ATR: variants seen among roughly 807,000 people sequenced by gnomAD.
ATR encodes serine/threonine-protein kinase ATR.
Under a neutral mutation model 305.3 loss-of-function variants are expected in ATR, and 142 were observed. The observed-to-expected ratio is 0.47, with a 90% CI of 0.41 to 0.53. The LOEUF (loss-of-function observed/expected upper bound fraction) is 0.53, where lower values mean the gene tolerates loss of function less well. ATR is among the 20% of genes least tolerant of loss of function. The pLI, the probability that ATR is intolerant of heterozygous loss-of-function variation, is 0.00. For synonymous variants in ATR, 1,050 were observed against 1,068.1 expected, an observed-to-expected ratio of 0.98 and a Z score of 0.33; for missense variants, 2,135 against 3,133.1, an observed-to-expected ratio of 0.68 and a Z score of 7.60.
intron 46 of ATR, 176 bp from the exon 47 acceptor site, chr3:142,449,778 A>T (rs1440680242): frequency 5.9e-6 from 4 of 673,980 alleles, no homozygotes; most frequent in Non-Finnish European, 1.0e-5. Context: ...TGTGATACTG[A>T]TTTGGAGGCT....
chr3:142,554,128 T>C, intron 10 of ATR, 113 bp from the exon 11 acceptor site: 1 of 894,856 alleles, frequency 1.1e-6, no homozygotes, highest in South Asian at 1.9e-5. Context: ...TCTCTTATAA[T>C]GTCAATGTTT....
chr3:142,476,702 G>C (rs571972842), intron 36 of ATR, among the ~76,000 whole-genome samples: 2 of 152,068 alleles, frequency 1.3e-5, no homozygotes, highest in Non-Finnish European at 2.9e-5. Flanking sequence ...CCATTTTCAC[G>C]ATATTGATTC....
chr3:142,554,104 G>T, intron 10 of ATR, 89 bp from the exon 11 acceptor site: 1 of 1,126,576 alleles, frequency 8.9e-7, no homozygotes, highest in South Asian at 1.6e-5. Context: ...AATATGCCAT[G>T]AAGAATCCTA....
At chr3:142,551,069 G>T (rs2034454211) in intron 13 of ATR, among the ~76,000 whole-genome samples, 1 of 152,164 alleles carries the variant, frequency 6.6e-6, no homozygotes, top group Non-Finnish European at 1.5e-5. Flanking sequence ...TTACAGGTGT[G>T]AGTCACCACG....
intron 27 of ATR, among the ~76,000 whole-genome samples, chr3:142,509,310 TG>T (rs1176571692): frequency 1.3e-5 from 2 of 151,968 alleles, no homozygotes; most frequent in Non-Finnish European, 2.9e-5. Context: ...ACCATAGGCA[TG>T]TGCCACCACG....
rs183377762 is a variant in ATR at position 142,461,490 on chromosome 3, A to G, written c.7192+450T>C. On this transcript the variant is annotated intron_variant, in intron 42 of 46. Coordinates refer to ENST00000350721, the MANE Select transcript of ATR (RefSeq NM_001184.4). The stretch of plus-strand genomic sequence containing the variant: ...AATCATTATTTATTTTGCTACTCAA[A>G]TTATCCCAGGTTTGGACAGTTGGAG... Among the ~76,000 whole-genome samples, 21 of 152,248 alleles carry G rather than the reference A, an allele frequency of 1.4e-4. No individual in the cohort carries two copies. The East Asian group carries it at 4.1e-3, about 29-fold the overall frequency.
At chr3:142,516,420 T>A (rs774111960) in intron 24 of ATR, among the ~76,000 whole-genome samples, 1 of 152,236 alleles carries the variant, frequency 6.6e-6, no homozygotes, top group African/African-American at 2.4e-5. Flanking sequence ...TTAGTACTAC[T>A]ATGTATTCTT....
intron 3 of ATR, among the ~76,000 whole-genome samples, chr3:142,563,611 C>G (rs1317733862): frequency 6.6e-6 from 1 of 152,112 alleles, no homozygotes; most frequent in African/African-American, 2.4e-5. Context: ...CTTGTGTCTC[C>G]CTATTCCCTG....
rs1393735489 is a variant in ATR at position 142,515,384 on chromosome 3, G to C, written c.4503+11C>G. On this transcript the variant is annotated intron_variant, in intron 25 of 46. Coordinates refer to ENST00000350721, the MANE Select transcript of ATR (RefSeq NM_001184.4). ...TTCCATTCAGTTAACAAACTGAACA[G>C]GGTTTCTTACCTTTGTAATAAGATA... 1 of 1,613,740 alleles carries C rather than the reference G, an allele frequency of 6.2e-7. No homozygotes were observed. The highest frequency in any genetic ancestry group is 8.5e-7 in the Non-Finnish European group (1 of 1,179,836).
At chr3:142,534,180 C>T (rs746186188) in intron 21 of ATR, among the ~76,000 whole-genome samples, 4 of 152,062 alleles carry the variant, frequency 2.6e-5, no homozygotes, top group Admixed American at 2.0e-4. Context: ...TAGGGGCAAG[C>T]ACAGGGTAGT....
rs753729778 is a variant in ATR, at chr3:142,561,297, C to T, written c.1295G>A (p.Arg432His). ...AGGGTTTAGAGACGAGCTGAGACGA[C>T]GCCTTTTGGGTGATATTCCATCACT... is the stretch of plus-strand genomic sequence containing the variant. ...SNSDGISPKR[R>H]RLSSSLNPSK... The change falls in exon 5 of 47, where the codon CGT becomes CAT. Residue 432 changes from arginine to histidine, a missense_variant. This residue lies in a region of ATR where 744 missense variants were observed against 873.2 expected (regional missense o/e 0.85). Coordinates refer to ENST00000350721, the MANE Select transcript of ATR (RefSeq NM_001184.4). 21 of 1,613,930 alleles carry T rather than the reference C, an allele frequency of 1.3e-5. 1 individual carries two copies. Among genetic ancestry groups the T allele is most frequent in the South Asian group, 3.3e-5 (3 of 91,086 alleles).
At chr3:142,546,982 C>G (rs1042314089) in intron 16 of ATR, among the ~76,000 whole-genome samples, 1 of 152,128 alleles carries the variant, frequency 6.6e-6, no homozygotes, top group Non-Finnish European at 1.5e-5. Flanking sequence ...TATTTATATC[C>G]TACTGCTCAA....
At chr3:142,546,336 C>T (rs539103573) in intron 16 of ATR, among the ~76,000 whole-genome samples, 1 of 152,262 alleles carries the variant, frequency 6.6e-6, no homozygotes, top group African/African-American at 2.4e-5. Flanking sequence ...GTTTGTAGTA[C>T]CTGGGTTCCT....
At chr3:142,477,050 T>A (rs891965985) in intron 36 of ATR, among the ~76,000 whole-genome samples, 3 of 152,178 alleles carry the variant, frequency 2.0e-5, no homozygotes, top group Non-Finnish European at 4.4e-5. Context: ...ACAGGGACAA[T>A]TTGACTTCCT....
In ATR at chr3:142,562,682, AC is replaced by A. The variant is rs1311867079; in HGVS notation, c.719del (p.Gly240ValfsTer8). ...WQIGCVLLEYGSPKIKSLAIS... is the reference protein window; with the variant it reads ...WQIGCVLLEYXSPKIKSLAIS... ...TTGCTAGGGATTTAATTTTTGGACTACCATACTCTAGCAGAACACAACCTAT... is the reference window on the plus strand; with the variant it reads ...TTGCTAGGGATTTAATTTTTGGACTACATACTCTAGCAGAACACAACCTAT... On this transcript the variant is annotated frameshift_variant, in exon 4 of 47. Transcript: ENST00000350721. LOFTEE classifies it high-confidence loss of function. 2 of 1,613,982 alleles carry A rather than the reference AC, an allele frequency of 1.2e-6. No homozygotes were observed. Among genetic ancestry groups the A allele is most frequent in the Admixed American group, 3.3e-5 (2 of 59,986 alleles).
intron 21 of ATR, among the ~76,000 whole-genome samples, chr3:142,526,445 G>A (rs547266505): frequency 2.1e-4 from 32 of 151,882 alleles, no homozygotes; most frequent in African/African-American, 7.5e-4. Context: ...AAATAGTGCA[G>A]ATAATAGGAA....
intron 29 of ATR, among the ~76,000 whole-genome samples, chr3:142,504,612 G>A (rs1335051400): frequency 2.0e-5 from 3 of 151,752 alleles, no homozygotes; most frequent in Admixed American, 6.6e-5. Flanking sequence ...ACAGGCGCTC[G>A]CCACCACACC....
intron 32 of ATR, among the ~76,000 whole-genome samples, chr3:142,497,573 TAATAAATAAATAAATA>T (rs35792072): frequency 6.7e-6 from 1 of 148,948 alleles, no homozygotes; most frequent in Non-Finnish European, 1.5e-5. Context: ...TCCCTTAAAA[TAATAAATAAATAAATA>T]AATAAATAAA....
At chr3:142,555,390 C>T (rs554682077) in intron 10 of ATR, among the ~76,000 whole-genome samples, 11 of 152,002 alleles carry the variant, frequency 7.2e-5, no homozygotes, top group Non-Finnish European at 1.3e-4. Flanking sequence ...CAACTTACTA[C>T]CTAAACAAAT....
Sources: gnomAD v4.1 joint callset for allele counts (sites outside exome capture counted in the v4.1 genomes callset) on GRCh38, gnomAD v4.1.1 for gene constraint, gnomAD v4.1.1 regional missense constraint, MANE v1.5 for transcripts, NCBI Gene and HGNC (gene_info 2026-07-23, HGNC 2026-07-21) for gene names.